Variants in MIER3 observed in about 807,000 individuals in gnomAD.
The protein encoded by MIER3 is mesoderm induction early response protein 3.
In MIER3, 9 loss-of-function variants were observed where a neutral mutation model predicts 63.2. That is an observed-to-expected ratio of 0.14 (90% CI 0.09 to 0.25). The LOEUF is 0.25. Among genes scored for constraint, MIER3 ranks in the 10% least tolerant of loss-of-function variants. MIER3 has a pLI of 1.00. For synonymous variants in MIER3, 205 were observed against 224.9 expected, an observed-to-expected ratio of 0.91 and a Z score of 0.79; for missense variants, 512 against 666.2, an observed-to-expected ratio of 0.77 and a Z score of 2.55.
intron 3 of MIER3, among the ~76,000 whole-genome samples, chr5:56,942,282 G>A (rs1363775439): frequency 6.6e-6 from 1 of 152,198 alleles, no homozygotes; most frequent in African/African-American, 2.4e-5. Flanking sequence ...ATTACACTAT[G>A]GGCAATGGGT....
rs774631835 is a variant in MIER3, at chr5:56,938,939, C to T, written c.259G>A (p.Ala87Thr). ...GCCAGTTCACTTGGGGAACTATTTG[C>T]ACTGGAATTTGCAACTGCTGGAATT... ...PTIPAVANSS[A>T]NSSPSELADE... Residue 87 changes from alanine to threonine, a missense_variant, in exon 4 of 13, where the codon GCA becomes ACA. By Grantham distance (58) the Ala-to-Thr change is moderately conservative (BLOSUM62 0). Transcript: ENST00000381199. 3.7e-6 allele frequency: 6 copies of T among 1,614,106 alleles called. No individual in the cohort carries two copies. The East Asian group carries it at 1.3e-4, about 36-fold the overall frequency.
chr5:56,942,156 G>A (rs572942497), intron 3 of MIER3, among the ~76,000 whole-genome samples: 21 of 152,290 alleles, frequency 1.4e-4, no homozygotes, highest in African/African-American at 4.8e-4. Flanking sequence ...TATAAATCTG[G>A]CATTCATTAG....
rs78875923 is a variant in MIER3 at position 56,946,246 on chromosome 5, T to A, written c.180+680A>T. On this transcript the variant is annotated intron_variant, in intron 3 of 12. Transcript: ENST00000381199. ...TGAAAGCTTTTGTTATTCTGGCTGATAAGAAATTTTCAAATATGGTTAAGT... is the reference window on the plus strand; with the variant it reads ...TGAAAGCTTTTGTTATTCTGGCTGAAAAGAAATTTTCAAATATGGTTAAGT... Among the ~76,000 whole-genome samples, 564 of 152,296 alleles carry A rather than the reference T, an allele frequency of 3.7e-3. 4 individuals carry two copies. Among genetic ancestry groups the A allele is most frequent in the Middle Eastern group, 0.01 (3 of 294 alleles).
intron 3 of MIER3, 48 bp from the exon 4 acceptor site, chr5:56,939,065 T>C (rs779939005): frequency 1.5e-5 from 24 of 1,599,430 alleles, no homozygotes; most frequent in African/African-American, 4.0e-5. Flanking sequence ...GTCACAATAC[T>C]GAACTGCAGG....
At chr5:56,928,744 C>T (rs1343736554) in intron 10 of MIER3, 23 bp downstream of exon 10, 12 of 1,503,928 alleles carry the variant, frequency 8.0e-6, no homozygotes, top group Non-Finnish European at 1.1e-5. Context: ...AGTAATTTAT[C>T]TGTACTAATC....
At chr5:56,948,192 A>G (rs1306537343) in intron 2 of MIER3, among the ~76,000 whole-genome samples, 1 of 152,238 alleles carries the variant, frequency 6.6e-6, no homozygotes, top group East Asian at 1.9e-4. Flanking sequence ...TTCACTATGG[A>G]AAAACCACAC....
At chr5:56,942,844 C>A (rs1579859722) in intron 3 of MIER3, among the ~76,000 whole-genome samples, 1 of 152,304 alleles carries the variant, frequency 6.6e-6, no homozygotes, top group Middle Eastern at 3.4e-3. Context: ...ATCTGGCAAT[C>A]AGGAATTATT....
Position 56,948,875 on chromosome 5 carries a change from C to T in MIER3, c.34+1753G>A, listed in dbSNP as rs568022345. Among the ~76,000 whole-genome samples the T allele has an allele frequency of 5.3e-5, 8 of 152,264 alleles. No homozygotes were observed. In the South Asian group the frequency reaches 1.7e-3, roughly 32 times the overall value. ...GTTACTCTTCTATCACTTGGCACAA[C>T]AGGCCTCCCCTTTAACATGGAAGGT... On this transcript the variant is annotated intron_variant, in intron 2 of 12. Coordinates refer to ENST00000381199, the MANE Select transcript of MIER3 (RefSeq NM_001297599.2).
At chr5:56,942,506 T>C (rs553278951) in intron 3 of MIER3, among the ~76,000 whole-genome samples, 2 of 152,100 alleles carry the variant, frequency 1.3e-5, no homozygotes, top group South Asian at 4.1e-4. Flanking sequence ...ATAGCACCAC[T>C]ATGAGACAGA....
At chr5:56,944,559 T>C (rs377013939) in intron 3 of MIER3, among the ~76,000 whole-genome samples, 1 of 152,288 alleles carries the variant, frequency 6.6e-6, no homozygotes, top group African/African-American at 2.4e-5. Flanking sequence ...CCAGTATTCA[T>C]CTGACACAAC....
rs149069142 is a variant in MIER3 at position 56,923,551 on chromosome 5, G to A, written c.1230C>T (p.Pro410=). ...TATCATCCAAACAATTCACATCTGT[G>A]GGGTCGCAGACGGTTGCTACACTGT... ...LTNSVATVCD[P]TDVNCLDDSF... is the part of the protein sequence containing the mutation. The change falls in exon 13 of 13, where the codon CCC becomes CCT. Residue 410 remains proline, a synonymous_variant. Coordinates refer to ENST00000381199, the MANE Select transcript of MIER3 (RefSeq NM_001297599.2). 9.6e-4 allele frequency: 1,544 copies of A among 1,614,060 alleles called. 2 individuals are homozygous for A. Among genetic ancestry groups the A allele is most frequent in the Non-Finnish European group, 1.2e-3 (1,427 of 1,179,976 alleles).
At chr5:56,951,028 G>A (rs941368100) in intron 1 of MIER3, among the ~76,000 whole-genome samples, 7 of 152,096 alleles carry the variant, frequency 4.6e-5, no homozygotes, top group Non-Finnish European at 8.8e-5. Flanking sequence ...GCTCTCCGAA[G>A]CCCCAAACAA....
In MIER3 at chr5:56,933,373, A is replaced by C; in HGVS notation, c.621T>G (p.Leu207=). The change falls in exon 8 of 13, where the codon CTT becomes CTG. Residue 207 remains leucine (L), a synonymous_variant. Coordinates refer to ENST00000381199, the MANE Select transcript of MIER3 (RefSeq NM_001297599.2). ...TCTCCAAAACCACATCAGGACACCA[A>C]AGTAACTGGTCTTCGTTTTCATATA... The part of the protein sequence containing the change: ...EKVYENEDQL[L]WCPDVVLESK... 1 of 1,611,400 alleles carries C rather than the reference A, an allele frequency of 6.2e-7. No individual in the cohort carries two copies. Among genetic ancestry groups the C allele is most frequent in the Non-Finnish European group, 8.5e-7 (1 of 1,179,000 alleles).
At chr5:56,938,720 T>C (rs1036121811) in intron 4 of MIER3, 163 bp downstream of exon 4, 6 of 753,580 alleles carry the variant, frequency 8.0e-6, no homozygotes, top group African/African-American at 7.1e-5. Context: ...ACTCTTAACA[T>C]AGGGTGATCA....
Position 56,923,325 on chromosome 5 carries a change from T to C in MIER3, c.1456A>G (p.Ile486Val). 2 of 1,614,218 alleles carry C rather than the reference T, an allele frequency of 1.2e-6. No homozygotes were observed. The highest frequency in any genetic ancestry group is 1.7e-6 in the Non-Finnish European group (2 of 1,180,038). Residue 486 changes from isoleucine to valine, a missense_variant, in exon 13 of 13, where the codon ATT becomes GTT. Ile to Val is a conservative substitution (Grantham distance 29). Transcript: ENST00000381199. ...TTCATAAAGGATTCAGGGACGGCAA[T>C]GCCCATTTTCAATCTTTTTGCTGGT... ...ERPAKRLKMG[I>V]AVPESFMNEV...
At chr5:56,926,653 C>A (rs1340279487) in intron 10 of MIER3, among the ~76,000 whole-genome samples, 1 of 150,430 alleles carries the variant, frequency 6.6e-6, no homozygotes, top group African/African-American at 2.5e-5. Flanking sequence ...AAATGGAAGA[C>A]AGTTTGGCAG....
At chr5:56,949,972 T>A (rs1008736250) in intron 2 of MIER3, among the ~76,000 whole-genome samples, 1 of 152,240 alleles carries the variant, frequency 6.6e-6, no homozygotes, top group East Asian at 1.9e-4. Flanking sequence ...ATTATGCATA[T>A]GTGCAGAGTT....
intron 1 of MIER3, 22 bp from the exon 2 acceptor site, chr5:56,950,674 G>A: frequency 1.2e-6 from 2 of 1,612,874 alleles, no homozygotes; most frequent in South Asian, 1.1e-5. Context: ...AGAAGAAAAC[G>A]TGAGGTTAGA....
chr5:56,923,832 C>A lies in MIER3; in HGVS notation c.1054G>T (p.Asp352Tyr), dbSNP rs1437581779. 2 of 1,614,074 alleles carry A rather than the reference C, an allele frequency of 1.2e-6. No individual in the cohort carries two copies. The highest frequency in any genetic ancestry group is 3.3e-5 in the Admixed American group (2 of 59,996). Residue 352 changes from aspartate (D) to tyrosine (Y), a missense_variant and splice_region_variant, in exon 12 of 13, where the codon GAC becomes TAC. By Grantham distance (160) the Asp-to-Tyr change is radical. Coordinates refer to ENST00000381199, the MANE Select transcript of MIER3 (RefSeq NM_001297599.2). ...TCATCTACTAAACGATCCATATAGT[C>A]CCTGAAAAACACACCCCAGTAATTT... ...KRYNHHPGVT[D>Y]YMDRLVDETE...
Sources: gnomAD v4.1 joint callset for allele counts (sites outside exome capture counted in the v4.1 genomes callset) on GRCh38, gnomAD v4.1.1 for gene constraint, MANE v1.5 for transcripts, NCBI Gene and HGNC (gene_info 2026-07-23, HGNC 2026-07-21) for gene names.